Variants in ITGB8 observed in about 807,000 individuals in gnomAD.
The protein encoded by ITGB8 is integrin subunit beta 8, also known as integrin beta-8.
A neutral mutation model predicts 89.5 loss-of-function variants in ITGB8; 30 were observed. The observed-to-expected ratio is 0.34, with a 90% CI of 0.25 to 0.45. The LOEUF is 0.45. Among genes scored for constraint, ITGB8 ranks in the 20% least tolerant of loss-of-function variants. The probability of loss-of-function intolerance (pLI) is 1.00; values close to 1 mark genes in which losing one functional copy is unlikely to be tolerated. For missense variants in ITGB8, 836 were observed against 933.3 expected, an observed-to-expected ratio of 0.90 and a Z score of 1.36; for synonymous variants, 335 against 320.4, an observed-to-expected ratio of 1.05 and a Z score of -0.49.
At chr7:20,374,699 G>C (rs945047509) in intron 3 of ITGB8, among the ~76,000 whole-genome samples, 1 of 152,148 alleles carries the variant, frequency 6.6e-6, no homozygotes, top group African/African-American at 2.4e-5. Context: ...AAGGACCACA[G>C]GCAGGGCACA....
At chr7:20,404,534 G>A (rs967486910) in intron 10 of ITGB8, 94 bp from the exon 11 acceptor site, 29 of 1,017,762 alleles carry the variant, frequency 2.8e-5, no homozygotes, top group Admixed American at 1.8e-4. Flanking sequence ...CTGTCAGTGC[G>A]TTTCCATGGA....
intron 6 of ITGB8, among the ~76,000 whole-genome samples, chr7:20,382,878 T>G (rs1786457013): frequency 1.3e-5 from 2 of 152,250 alleles, no homozygotes; most frequent in South Asian, 4.1e-4. Context: ...ATTTTCAAGT[T>G]GACCAGCTTG....
At chr7:20,340,468 G>A (rs1784720428) in intron 1 of ITGB8, among the ~76,000 whole-genome samples, 1 of 152,208 alleles carries the variant, frequency 6.6e-6, no homozygotes, top group African/African-American at 2.4e-5. Context: ...TGTCATATTA[G>A]GTATGTGAGA....
chr7:20,347,013 G>T (rs1200621723), intron 1 of ITGB8: 2 of 226,330 alleles, frequency 8.8e-6, no homozygotes, highest in Non-Finnish European at 1.5e-5. Context: ...CTGGTGAATT[G>T]TATTAGTGCA....
At chr7:20,408,964 T>C (rs967410623) in intron 12 of ITGB8, among the ~76,000 whole-genome samples, 9 of 152,168 alleles carry the variant, frequency 5.9e-5, no homozygotes, top group African/African-American at 2.2e-4. Context: ...AAAAAGTAAA[T>C]TAATGAAAAT....
At chr7:20,339,883 C>G (rs1314142010) in intron 1 of ITGB8, among the ~76,000 whole-genome samples, 1 of 152,036 alleles carries the variant, frequency 6.6e-6, no homozygotes, top group Admixed American at 6.6e-5. Context: ...CAAAAATTAG[C>G]CGGGCATGGT....
intron 7 of ITGB8, among the ~76,000 whole-genome samples, 166 bp downstream of exon 7, chr7:20,391,664 T>A (rs1002776071): frequency 1.3e-5 from 2 of 152,206 alleles, no homozygotes; most frequent in Non-Finnish European, 2.9e-5. Context: ...TAACTTAGCA[T>A]TTAAGCATAA....
At chr7:20,375,959 A>G (rs1786125487) in intron 3 of ITGB8, among the ~76,000 whole-genome samples, 1 of 152,160 alleles carries the variant, frequency 6.6e-6, no homozygotes, top group South Asian at 2.1e-4. Flanking sequence ...TGAAAATCAT[A>G]TATTATGCTT....
At chr7:20,330,358 A>G (rs1562642205), upstream of ITGB8, among the ~76,000 whole-genome samples, 1 of 152,206 alleles carries the variant, frequency 6.6e-6, no homozygotes, top group Non-Finnish European at 1.5e-5. Flanking sequence ...TGTATGCAGC[A>G]GCTGCGGGGC....
intron 3 of ITGB8, among the ~76,000 whole-genome samples, chr7:20,376,642 C>A (rs544844624): frequency 6.6e-6 from 1 of 152,204 alleles, no homozygotes; most frequent in South Asian, 2.1e-4. Flanking sequence ...ACATGGTAAT[C>A]CAAGCTTGAC....
chr7:20,384,243 A>T (rs1386268424), intron 6 of ITGB8, among the ~76,000 whole-genome samples: 2 of 152,220 alleles, frequency 1.3e-5, no homozygotes, highest in African/African-American at 4.8e-5. Flanking sequence ...TCTTGGCTTT[A>T]TCTCCAGCAG....
At chr7:20,374,391 TAGTA>T (rs1187948121) in intron 3 of ITGB8, among the ~76,000 whole-genome samples, 1 of 151,840 alleles carries the variant, frequency 6.6e-6, no homozygotes, top group Non-Finnish European at 1.5e-5. Flanking sequence ...AATCTAGTAG[TAGTA>T]AGTAATAATT....
intron 8 of ITGB8, among the ~76,000 whole-genome samples, chr7:20,398,131 T>C (rs1201168116): frequency 6.6e-6 from 1 of 152,180 alleles, no homozygotes; most frequent in African/African-American, 2.4e-5. Context: ...AGGCATTAAA[T>C]AGATATTTAT....
chr7:20,360,330 T>C (rs1490111194), intron 1 of ITGB8, among the ~76,000 whole-genome samples: 4 of 140,950 alleles, frequency 2.8e-5, no homozygotes, highest in Non-Finnish European at 4.6e-5. Flanking sequence ...TTCCCTTCCA[T>C]GAGACTACAG....
chr7:20,347,347 C>G (rs1784961343), intron 1 of ITGB8, among the ~76,000 whole-genome samples: 1 of 152,094 alleles, frequency 6.6e-6, no homozygotes, highest in African/African-American at 2.4e-5. Context: ...GCAAAAGAAA[C>G]TGGCAACAAT....
chr7:20,357,945 A>T (rs748656517), intron 1 of ITGB8, among the ~76,000 whole-genome samples: 24 of 152,066 alleles, frequency 1.6e-4, no homozygotes, highest in South Asian at 4.2e-4. Context: ...TTTTTTTGTT[A>T]TCGTTGTTGT....
At chr7:20,395,838 G>T (rs549010170) in intron 8 of ITGB8, among the ~76,000 whole-genome samples, 5 of 152,266 alleles carry the variant, frequency 3.3e-5, no homozygotes, top group African/African-American at 1.2e-4. Context: ...GAAGAAAGTG[G>T]GATCAGAATC....
intron 3 of ITGB8, among the ~76,000 whole-genome samples, chr7:20,375,359 C>CAA (rs35472382): frequency 2.4e-4 from 35 of 144,720 alleles, no homozygotes; most frequent in South Asian, 4.4e-4. Flanking sequence ...ATTCAAATTC[C>CAA]AAAAAAAAAA....
chr7:20,401,656 T>C, intron 9 of ITGB8, 65 bp from the exon 10 acceptor site: 1 of 947,808 alleles, frequency 1.1e-6, no homozygotes, highest in Non-Finnish European at 1.5e-6. Flanking sequence ...TATTAACAGA[T>C]ATAATATTGG....
Sources: gnomAD v4.1 joint callset for allele counts (sites outside exome capture counted in the v4.1 genomes callset) on GRCh38, gnomAD v4.1.1 for gene constraint, MANE v1.5 for transcripts, NCBI Gene and HGNC (gene_info 2026-07-23, HGNC 2026-07-21) for gene names.